The following ABCG5 variants were observed in gnomAD, a reference collection of about 807,000 sequenced individuals.
The protein encoded by ABCG5 is ATP binding cassette subfamily G member 5.
ABCG5 carries 64 observed loss-of-function variants against 64.5 expected under a neutral mutation model. That is an observed-to-expected ratio of 0.99 (90% CI 0.81 to 1.22). ABCG5 has a LOEUF of 1.22. ABCG5 is among the 50% of genes most tolerant of loss of function. The pLI, the probability that ABCG5 is intolerant of heterozygous loss-of-function variation, is 0.00. For synonymous variants in ABCG5, 385 were observed against 326.3 expected (o/e 1.18, Z -1.94); for missense variants, 908 against 829.5 (o/e 1.09, Z -1.16).
At chr2:43,813,839 T>G (rs1201525945) in intron 12 of ABCG5, among the ~76,000 whole-genome samples, 2 of 148,780 alleles carry the variant, frequency 1.3e-5, no homozygotes, top group African/African-American at 4.9e-5. Context: ...TGCTTCAGCC[T>G]CCTGTGTAGC....
chr2:43,814,815 A>C (rs78944447), intron 11 of ABCG5, among the ~76,000 whole-genome samples: 1 of 152,196 alleles, frequency 6.6e-6, no homozygotes, highest in Non-Finnish European at 1.5e-5. Flanking sequence ...TATATATAAC[A>C]TGTGTGTTTA....
chr2:43,836,740 C>T (rs1444263211), intron 2 of ABCG5, among the ~76,000 whole-genome samples: 2 of 151,994 alleles, frequency 1.3e-5, no homozygotes, highest in Non-Finnish European at 2.9e-5. Flanking sequence ...ATGCAGCTAC[C>T]CTGGGAAAGA....
intron 9 of ABCG5, 96 bp downstream of exon 9, chr2:43,823,817 A>G: frequency 2.8e-6 from 4 of 1,429,356 alleles, no homozygotes; most frequent in Non-Finnish European, 3.8e-6. Flanking sequence ...TAGCTCAGAG[A>G]AAAACCCTTA....
chr2:43,809,711 G>C, downstream of ABCG5: 1 of 1,610,588 alleles, frequency 6.2e-7, no homozygotes, highest in Non-Finnish European at 8.5e-7. Flanking sequence ...TTAGGAACTG[G>C]AACAGTACAA....
At chr2:43,825,890 C>T (rs371936948) in intron 6 of ABCG5, among the ~76,000 whole-genome samples, 2 of 152,168 alleles carry the variant, frequency 1.3e-5, no homozygotes, top group Non-Finnish European at 2.9e-5. Context: ...GTATTTGGAA[C>T]ATGGTAGGTG....
rs929421610 is a variant in ABCG5 at position 43,831,651 on chromosome 2, T to C, written c.501+118A>G. ...ACGGTGCAGGACGCAGGGCGCGCTC[T>C]AGAGTGAAGGAGTGACGAGCAAAGG... On this transcript the variant is annotated intron_variant, in intron 4 of 12. Transcript: ENST00000405322. The C allele has an allele frequency of 1.6e-5, 17 of 1,060,904 alleles. No homozygotes were observed. The African/African-American group carries it at 2.5e-4, about 16-fold the overall frequency. The allele number at this position is 1,060,904 out of a possible 1,614,324, so 65.7% of individuals were successfully genotyped here.
intron 8 of ABCG5, 45 bp from the exon 9 acceptor site, chr2:43,824,163 T>C (rs374949576): frequency 4.2e-5 from 67 of 1,613,996 alleles, no homozygotes; most frequent in Non-Finnish European, 5.5e-5. Flanking sequence ...AGAATTGTTA[T>C]TGGGGGATGG....
chr2:43,823,913 A>C lies in ABCG5; in HGVS notation c.1324T>G (p.Phe442Val). ...YTGMLNAVNLFPVLRAVSDQE... is the reference protein window; with the variant it reads ...YTGMLNAVNLVPVLRAVSDQE... ...GCACCTCCAGCACGTGGGCACTTAC[A>C]CAGATTCACAGCGTTCAGCATGCCT... The change falls in exon 9 of 13, where the codon TTT becomes GTT. Residue 442 changes from phenylalanine to valine, a missense_variant and splice_region_variant. Phe to Val is a conservative substitution (Grantham distance 50). Coordinates refer to ENST00000405322, the MANE Select transcript of ABCG5 (RefSeq NM_022436.3). 1 of 1,613,904 alleles carries C rather than the reference A, an allele frequency of 6.2e-7. No homozygotes were observed. Among genetic ancestry groups the C allele is most frequent in the Non-Finnish European group, 8.5e-7 (1 of 1,179,812 alleles).
chr2:43,823,861 A>G (rs934436360), intron 9 of ABCG5, 52 bp downstream of exon 9: 8 of 1,588,162 alleles, frequency 5.0e-6, no homozygotes, highest in Non-Finnish European at 6.9e-6. Flanking sequence ...ACAGCTGGAG[A>G]AGGGAGGTAT....
chr2:43,827,886 T>C (rs1667715678), intron 5 of ABCG5, 97 bp downstream of exon 5: 31 of 1,562,636 alleles, frequency 2.0e-5, no homozygotes, highest in Non-Finnish European at 2.4e-5. Context: ...CACAAACCCC[T>C]TTCCAAATGA....
chr2:43,820,831 T>G (rs1173651705), intron 10 of ABCG5, among the ~76,000 whole-genome samples: 1 of 152,084 alleles, frequency 6.6e-6, no homozygotes, highest in African/African-American at 2.4e-5. Flanking sequence ...TTTTTTTGTA[T>G]TTAGTAGAGA....
chr2:43,822,615 C>T (rs1335623994), intron 10 of ABCG5, 182 bp downstream of exon 10: 56 of 985,048 alleles, frequency 5.7e-5, no homozygotes, highest in Non-Finnish European at 6.4e-5. Flanking sequence ...CTGCAACCCA[C>T]AGTTGGGCTA....
chr2:43,822,563 T>C (rs1159738053), intron 10 of ABCG5: 1 of 983,264 alleles, frequency 1.0e-6, no homozygotes, highest in Non-Finnish European at 1.2e-6. Flanking sequence ...GGACAGGTCA[T>C]TCCCAGGCAC....
intron 10 of ABCG5, among the ~76,000 whole-genome samples, chr2:43,821,981 G>A (rs4245786): frequency 0.78 from 118,072 of 151,986 alleles, 45,969 homozygotes; most frequent in East Asian, 0.93. Context: ...TCTACTCTGG[G>A]AACTTCCTCT....
downstream of ABCG5, among the ~76,000 whole-genome samples, chr2:43,811,868 A>G: frequency 6.6e-6 from 1 of 152,198 alleles, no homozygotes; most frequent in East Asian, 1.9e-4. Context: ...TGCTGGGATT[A>G]CAGGCATGAG....
rs751504404 is a variant in ABCG5 at position 43,823,897 on chromosome 2, G to GCACGTGGGCACTTA, written c.1324+2_1324+15dup. ...TTAGGGAGAAAGAGGTGCACCTCCAGCACGTGGGCACTTACACAGATTCAC... is the reference window on the plus strand; with the variant it reads ...TTAGGGAGAAAGAGGTGCACCTCCAGCACGTGGGCACTTACACGTGGGCACTTACACAGATTCAC... On this transcript the variant is annotated intron_variant, in intron 9 of 12. Coordinates refer to ENST00000405322, the MANE Select transcript of ABCG5 (RefSeq NM_022436.3). 1 of 1,612,806 alleles carries GCACGTGGGCACTTA rather than the reference G, an allele frequency of 6.2e-7. No homozygotes were observed. Among genetic ancestry groups the GCACGTGGGCACTTA allele is most frequent in the East Asian group, 2.2e-5 (1 of 44,850 alleles).
rs7423086 is a variant in ABCG5, at chr2:43,822,478, G to C, written c.1463+319C>G. ...CAGGCTGCTTTCTCCCCTCCCCCAG[G>C]CCCCCCCCCATGCACCTGGGTCCTA... is the stretch of plus-strand genomic sequence containing the variant. On this transcript the variant is annotated intron_variant, in intron 10 of 12. Transcript: ENST00000405322. 290,694 of 441,094 alleles carry C rather than the reference G, an allele frequency of 0.66. 103,258 individuals are homozygous for C. Among genetic ancestry groups the C allele is most frequent in the East Asian group, 0.95 (5,345 of 5,652 alleles). 27.3% of individuals were successfully genotyped at this position (441,094 alleles called of 1,614,324 possible).
chr2:43,838,489 G>A lies in ABCG5; in HGVS notation c.143+48C>T, dbSNP rs757833053. ...GAAAGGCAGCAGAGGGGTGAGCGCC[G>A]GGCCCCGCACTCCTGGGGGAGCAGC... On this transcript the variant is annotated intron_variant, in intron 1 of 12. Transcript: ENST00000405322. The surrounding 1 kb of genome is among the most constrained non-coding windows in gnomAD (Gnocchi z 4.2). 21 of 1,547,228 alleles carry A rather than the reference G, an allele frequency of 1.4e-5. No individual in the cohort carries two copies. The highest frequency in any genetic ancestry group is 1.1e-4 in the South Asian group (9 of 84,752).
chr2:43,831,994 C>CCCGG lies in ABCG5; in HGVS notation c.351_354dup (p.Ala119ProfsTer80), dbSNP rs1482373824. 11 of 1,556,288 alleles carry CCCGG rather than the reference C, an allele frequency of 7.1e-6. No individual in the cohort carries two copies. Among genetic ancestry groups the CCCGG allele is most frequent in the Admixed American group, 1.9e-5 (1 of 51,480 alleles). On this transcript the variant is annotated frameshift_variant, in exon 3 of 13. Coordinates refer to ENST00000405322, the MANE Select transcript of ABCG5 (RefSeq NM_022436.3). LOFTEE classifies it high-confidence loss of function. ...TCCTGGAACTGCTCCCGGCGCAGCG[C>CCCGG]CCGGCCGTTCACATACACCTCCCCC...
Sources: allele counts gnomAD v4.1 joint callset (sites outside exome capture counted in the v4.1 genomes callset), GRCh38; gene constraint gnomAD v4.1.1; non-coding constraint Gnocchi (gnomAD v3.1); transcripts MANE v1.5; gene names NCBI Gene and HGNC (gene_info 2026-07-23, HGNC 2026-07-21).